OTUD7A: variants seen among roughly 807,000 people sequenced by gnomAD.
OTUD7A encodes the protein OTU domain-containing protein 7A.
Under a neutral mutation model 65.7 loss-of-function variants are expected in OTUD7A, and 12 were observed. The observed-to-expected ratio is 0.18, with a 90% CI of 0.12 to 0.30. The LOEUF is 0.30. OTUD7A is among the 10% of genes least tolerant of loss of function. OTUD7A has a pLI of 1.00. For synonymous variants in OTUD7A, 641 were observed against 586.3 expected (o/e 1.09, Z -1.35); for missense variants, 1,148 against 1,304.8 (o/e 0.88, Z 1.85).
At chr15:31,559,243 C>T (rs1288061999) in intron 4 of OTUD7A, 56 bp from the exon 5 acceptor site, 4 of 1,507,258 alleles carry the variant, frequency 2.7e-6, no homozygotes, top group Middle Eastern at 1.8e-4. Context: ...AGGTGTGGCT[C>T]TATGTACATA....
chr15:31,774,604 G>A (rs1346590279), intron 1 of OTUD7A, among the ~76,000 whole-genome samples: 1 of 152,196 alleles, frequency 6.6e-6, no homozygotes, highest in Non-Finnish European at 1.5e-5. Context: ...ACAGTCAGGT[G>A]CATCTCCAGA....
At chr15:31,846,311 T>C (rs955029778) in intron 1 of OTUD7A, among the ~76,000 whole-genome samples, 1 of 152,248 alleles carries the variant, frequency 6.6e-6, no homozygotes, top group East Asian at 1.9e-4. Flanking sequence ...GCCCAAACTG[T>C]CTTTTTCTTT....
chr15:31,534,467 A>C, intron 5 of OTUD7A, among the ~76,000 whole-genome samples: 1 of 152,236 alleles, frequency 6.6e-6, no homozygotes, highest in Non-Finnish European at 1.5e-5. Context: ...GAAAGACTGA[A>C]TGCTTTACCT....
intron 3 of OTUD7A, among the ~76,000 whole-genome samples, chr15:31,585,663 G>GA (rs528273683): frequency 1.6e-3 from 243 of 152,306 alleles, no homozygotes; most frequent in Non-Finnish European, 2.8e-3. Flanking sequence ...GTGGTGGTCT[G>GA]AAAATCCTTC....
chr15:31,500,260 G>A (rs2041448320), intron 10 of OTUD7A, among the ~76,000 whole-genome samples: 2 of 152,260 alleles, frequency 1.3e-5, no homozygotes, highest in African/African-American at 4.8e-5. Context: ...GGGAGACAAT[G>A]GAAAGACCGG....
intron 1 of OTUD7A, among the ~76,000 whole-genome samples, chr15:31,717,652 T>G (rs922401003): frequency 2.6e-5 from 4 of 152,244 alleles, no homozygotes; most frequent in African/African-American, 9.6e-5. Context: ...GATAGGCATT[T>G]GGGTTGGTCC....
rs1245683836 is a variant in OTUD7A at position 31,475,529 on chromosome 15, T to G, written c.*7765A>C. Reference sequence around the variant, plus strand: ...ATAATCTTTCATAAAAGAAAGAAATTAAATACAATTCTTCTATAAAAAGTG... The same window carrying G: ...ATAATCTTTCATAAAAGAAAGAAATGAAATACAATTCTTCTATAAAAAGTG... On this transcript the variant is annotated 3_prime_UTR_variant, in exon 13 of 13. Coordinates refer to ENST00000307050, the MANE Select transcript of OTUD7A (RefSeq NM_001382637.1). 6.6e-6 allele frequency: 1 copy of G among 152,220 alleles called. No individual in the cohort carries two copies. Among genetic ancestry groups the G allele is most frequent in the African/African-American group, 2.4e-5 (1 of 41,458 alleles). 9.4% of individuals were successfully genotyped at this position (152,220 alleles called of 1,614,324 possible).
intron 3 of OTUD7A, among the ~76,000 whole-genome samples, chr15:31,622,098 C>G (rs1890805797): frequency 2.0e-5 from 3 of 152,222 alleles, no homozygotes. Flanking sequence ...GGCCCCCACT[C>G]TCTTCTGGCT....
At chr15:31,747,610 G>C (rs1894515358) in intron 1 of OTUD7A, among the ~76,000 whole-genome samples, 1 of 152,148 alleles carries the variant, frequency 6.6e-6, no homozygotes. Flanking sequence ...AGATGATTAA[G>C]TAAATGGAGA....
chr15:31,499,285 C>T (rs2041429508), intron 10 of OTUD7A, among the ~76,000 whole-genome samples: 1 of 152,216 alleles, frequency 6.6e-6, no homozygotes, highest in South Asian at 2.1e-4. Context: ...CTATTAGCCT[C>T]TGTCACAGGG....
intron 3 of OTUD7A, among the ~76,000 whole-genome samples, chr15:31,582,605 G>C (rs1889405797): frequency 6.6e-6 from 1 of 152,150 alleles, no homozygotes; most frequent in African/African-American, 2.4e-5. Context: ...AGCTCGTGTA[G>C]GGGAACTCTC....
intron 3 of OTUD7A, among the ~76,000 whole-genome samples, chr15:31,581,030 T>C (rs894803045): frequency 6.6e-6 from 1 of 152,124 alleles, no homozygotes; most frequent in African/African-American, 2.4e-5. Context: ...GTAAAATCAA[T>C]AGCAAGTTGG....
chr15:31,631,647 T>C (rs931780981), intron 3 of OTUD7A, among the ~76,000 whole-genome samples: 7 of 152,212 alleles, frequency 4.6e-5, no homozygotes, highest in South Asian at 2.1e-4. Context: ...CCTTGCTAGA[T>C]TGGGGAAGTT....
intron 10 of OTUD7A, among the ~76,000 whole-genome samples, chr15:31,493,579 T>C (rs985742970): frequency 5.9e-5 from 9 of 152,242 alleles, no homozygotes; most frequent in African/African-American, 2.2e-4. Flanking sequence ...TATATTATTT[T>C]CAAATACATA....
intron 1 of OTUD7A, among the ~76,000 whole-genome samples, chr15:31,821,998 C>A (rs954082931): frequency 3.9e-5 from 6 of 152,192 alleles, no homozygotes; most frequent in Non-Finnish European, 2.9e-5. Context: ...TTTATATATT[C>A]TGGATATGAG....
At chr15:31,621,794 C>G (rs183786557) in intron 3 of OTUD7A, among the ~76,000 whole-genome samples, 3 of 147,296 alleles carry the variant, frequency 2.0e-5, no homozygotes, top group Admixed American at 1.4e-4. Flanking sequence ...ATGTGTGAAT[C>G]TGATACTGCC....
At chr15:31,607,575 C>T (rs1890272835) in intron 3 of OTUD7A, among the ~76,000 whole-genome samples, 1 of 152,130 alleles carries the variant, frequency 6.6e-6, no homozygotes, top group East Asian at 1.9e-4. Flanking sequence ...ATTAAAATTA[C>T]CAGTGGTCCC....
At position 31,669,887 on chromosome 15, in the gene OTUD7A, C is replaced by T. The variant is rs569258142; in HGVS notation, c.-99-12810G>A. ...AAACTGACTCAGCTCCAGTTAAGGT[C>T]GGAAACTTCTCCTGCAAACAGACCT... On this transcript the variant is annotated intron_variant, in intron 1 of 12. Transcript: ENST00000307050. Among the ~76,000 whole-genome samples, 9 of 150,704 alleles carry T rather than the reference C, an allele frequency of 6.0e-5. No individual in the cohort carries two copies. In the East Asian group the frequency reaches 1.6e-3, roughly 26 times the overall value.
intron 3 of OTUD7A, among the ~76,000 whole-genome samples, chr15:31,652,177 T>C (rs1182693174): frequency 6.6e-6 from 1 of 152,178 alleles, no homozygotes; most frequent in Non-Finnish European, 1.5e-5. Context: ...CAGAAATATA[T>C]TCCTTACAAA....
Sources: gnomAD v4.1 joint callset for allele counts (sites outside exome capture counted in the v4.1 genomes callset) on GRCh38, gnomAD v4.1.1 for gene constraint, MANE v1.5 for transcripts, NCBI Gene and HGNC (gene_info 2026-07-23, HGNC 2026-07-21) for gene names.